PCDHA6: variants seen among roughly 807,000 people sequenced by gnomAD.
The protein encoded by PCDHA6 is protocadherin alpha 6.
A neutral mutation model predicts 60.3 loss-of-function variants in PCDHA6; 55 were observed. The ratio of observed to expected loss-of-function variants is 0.91; its 90% CI spans 0.73 to 1.14. The LOEUF is 1.14. Ranked by LOEUF, PCDHA6 falls within the 50% of genes most tolerant of loss-of-function variation. PCDHA6 has a pLI of 0.00. For missense variants in PCDHA6, 1,327 were observed against 1,256.5 expected (o/e 1.06, Z -0.85); for synonymous variants, 652 against 557.9 (o/e 1.17, Z -2.38).
intron 1 of PCDHA6, among the ~76,000 whole-genome samples, chr5:140,936,344 T>C (rs1403940424): frequency 6.6e-6 from 1 of 152,224 alleles, no homozygotes; most frequent in Non-Finnish European, 1.5e-5. Context: ...TATCTGCATA[T>C]ATGGAATGTG....
chr5:140,976,037 T>C (rs1466922826), intron 1 of PCDHA6, among the ~76,000 whole-genome samples: 1 of 152,200 alleles, frequency 6.6e-6, no homozygotes, highest in Non-Finnish European at 1.5e-5. Context: ...ATTTCAACTG[T>C]GATTGAAATT....
chr5:140,943,005 C>T (rs1383622610), intron 1 of PCDHA6, among the ~76,000 whole-genome samples: 2 of 151,608 alleles, frequency 1.3e-5, no homozygotes, highest in African/African-American at 4.8e-5. Context: ...GCCTGTAATC[C>T]CAGCACTTTG....
chr5:140,971,067 G>A (rs1270982335), intron 1 of PCDHA6, among the ~76,000 whole-genome samples: 1 of 152,204 alleles, frequency 6.6e-6, no homozygotes, highest in Non-Finnish European at 1.5e-5. Flanking sequence ...TAAGGTTGCT[G>A]TAGACATTTG....
chr5:140,871,657 T>A, intron 1 of PCDHA6: 1 of 1,228,196 alleles, frequency 8.1e-7, no homozygotes, highest in Non-Finnish European at 1.1e-6. Context: ...ATGATACACA[T>A]CTTCAGTCTT....
chr5:140,920,570 G>A (rs2153557888), intron 1 of PCDHA6, among the ~76,000 whole-genome samples: 1 of 152,186 alleles, frequency 6.6e-6, no homozygotes, highest in Non-Finnish European at 1.5e-5. Flanking sequence ...CTTAGGCCAG[G>A]AGCAGTGGCT....
chr5:140,875,910 G>A, intron 1 of PCDHA6: 1 of 1,614,172 alleles, frequency 6.2e-7, no homozygotes, highest in South Asian at 1.1e-5. Context: ...CTGAATCTGC[G>A]CCTCTGGACT....
At chr5:140,911,744 C>T (rs758009837) in intron 1 of PCDHA6, among the ~76,000 whole-genome samples, 2 of 151,280 alleles carry the variant, frequency 1.3e-5, no homozygotes, top group Non-Finnish European at 2.9e-5. Flanking sequence ...CAAGGACTAT[C>T]AGTGTTCTCC....
At chr5:140,883,388 G>T (rs2059587175) in intron 1 of PCDHA6, 2 of 1,614,164 alleles carry the variant, frequency 1.2e-6, no homozygotes, top group Non-Finnish European at 1.7e-6. Context: ...CCTAATCAGT[G>T]TGTCCGATCG....
At chr5:140,863,267 C>A in intron 1 of PCDHA6, 4 of 1,457,908 alleles carry the variant, frequency 2.7e-6, no homozygotes, top group Non-Finnish European at 2.8e-6. Context: ...CGGGAGGCAG[C>A]GCTGGTGGAT....
At chr5:140,846,050 C>T (rs2150384063) in intron 1 of PCDHA6, among the ~76,000 whole-genome samples, 1 of 149,776 alleles carries the variant, frequency 6.7e-6, no homozygotes, top group African/African-American at 2.4e-5. Flanking sequence ...GTTAACACCA[C>T]CTATGTGGGA....
At chr5:140,956,724 C>T (rs2095305540) in intron 1 of PCDHA6, among the ~76,000 whole-genome samples, 1 of 152,176 alleles carries the variant, frequency 6.6e-6, no homozygotes, top group South Asian at 2.1e-4. Flanking sequence ...AGAATTGGTA[C>T]CAGCTCCTCT....
At chr5:140,832,791 A>G (rs2150204193) in intron 1 of PCDHA6, among the ~76,000 whole-genome samples, 2 of 152,336 alleles carry the variant, frequency 1.3e-5, no homozygotes, top group South Asian at 4.1e-4. Context: ...AAGGTACATC[A>G]TAGTGTTATT....
chr5:140,989,575 G>A (rs2097349164), intron 3 of PCDHA6, among the ~76,000 whole-genome samples: 3 of 152,210 alleles, frequency 2.0e-5, no homozygotes. Flanking sequence ...GGCAAGCCCT[G>A]TCCTCAGCCT....
At chr5:140,926,775 G>C in intron 1 of PCDHA6, 9 of 1,391,106 alleles carry the variant, frequency 6.5e-6, no homozygotes, top group Admixed American at 3.1e-5. Flanking sequence ...GCCCGCAGCA[G>C]TGACGGCCGG....
intron 1 of PCDHA6, among the ~76,000 whole-genome samples, chr5:140,958,893 A>G (rs1332305633): frequency 2.6e-5 from 4 of 152,002 alleles, no homozygotes; most frequent in African/African-American, 9.7e-5. Flanking sequence ...TAGCTATATA[A>G]TAGATACAGA....
intron 1 of PCDHA6, chr5:140,853,100 C>G: frequency 2.7e-6 from 1 of 369,590 alleles, no homozygotes; most frequent in Non-Finnish European, 3.8e-6. Flanking sequence ...AGGATGGTCT[C>G]GATCTCCTGA....
At chr5:141,004,492 A>G (rs2098168083) in intron 3 of PCDHA6, among the ~76,000 whole-genome samples, 2 of 152,230 alleles carry the variant, frequency 1.3e-5, no homozygotes, top group South Asian at 2.1e-4. Context: ...AACTCTTGGC[A>G]GTCCTGCTGT....
At chr5:140,851,062 AGTGAGAATTATAAACT>A in intron 1 of PCDHA6, 1 of 1,372,160 alleles carries the variant, frequency 7.3e-7, no homozygotes, top group Non-Finnish European at 9.6e-7. Context: ...CTTGACTTCT[AGTGAGAATTATAAACT>A]GTATATTAAA....
chr5:140,890,879 A>C (rs1448155644), intron 1 of PCDHA6, among the ~76,000 whole-genome samples: 2 of 152,112 alleles, frequency 1.3e-5, no homozygotes, highest in Non-Finnish European at 2.9e-5. Flanking sequence ...CTGACCTTTC[A>C]TCAGGGATTA....
Sources: allele counts gnomAD v4.1 joint callset (sites outside exome capture counted in the v4.1 genomes callset), GRCh38; gene constraint gnomAD v4.1.1; transcripts MANE v1.5; gene names NCBI Gene and HGNC (gene_info 2026-07-23, HGNC 2026-07-21).